The following XKR7 variants were observed in gnomAD, a reference collection of about 807,000 sequenced individuals.
The protein encoded by XKR7 is XK-related protein 7.
In XKR7, 11 loss-of-function variants were observed where a neutral mutation model predicts 42.2. The observed-to-expected ratio is 0.26, with a 90% CI of 0.16 to 0.43. XKR7 has a LOEUF of 0.43. Ranked by LOEUF, XKR7 falls within the 20% of genes least tolerant of loss-of-function variation. The probability of loss-of-function intolerance (pLI) is 1.00; values close to 1 mark genes in which losing one functional copy is unlikely to be tolerated. For missense variants in XKR7, 710 were observed against 802.2 expected (o/e 0.89, Z 1.39); for synonymous variants, 346 against 366.4 (o/e 0.94, Z 0.64).
At chr20:31,981,200 A>G (rs926788891) in intron 1 of XKR7, among the ~76,000 whole-genome samples, 3 of 146,798 alleles carry the variant, frequency 2.0e-5, no homozygotes, top group Admixed American at 2.0e-4. Context: ...CCCTGTCTCT[A>G]CAAAAAAAAA....
intron 1 of XKR7, among the ~76,000 whole-genome samples, chr20:31,973,673 G>A (rs183430448): frequency 3.5e-4 from 54 of 152,244 alleles, no homozygotes; most frequent in African/African-American, 1.2e-3. Flanking sequence ...AAAGGAAAAG[G>A]GAAGGGCAAG....
At position 31,980,423 on chromosome 20, in the gene XKR7, A is replaced by G. The variant is rs569056687; in HGVS notation, c.584+11664A>G. On this transcript the variant is annotated intron_variant, in intron 1 of 2. Transcript: ENST00000562532. Reference sequence around the variant, plus strand: ...GGGCTTCATTGCAGGTGAGGAGGCTATATAGCTGGGAACCCAATGTTTCCT... The same window carrying G: ...GGGCTTCATTGCAGGTGAGGAGGCTGTATAGCTGGGAACCCAATGTTTCCT... 4.6e-4 allele frequency among the ~76,000 whole-genome samples: 70 copies of G among 152,312 alleles called. 2 individuals are homozygous for G. The South Asian group carries it at 0.014, about 30-fold the overall frequency.
intron 1 of XKR7, among the ~76,000 whole-genome samples, chr20:31,992,743 T>G (rs1476783731): frequency 6.6e-6 from 1 of 152,164 alleles, no homozygotes; most frequent in Non-Finnish European, 1.5e-5. Context: ...GGGATGTTCC[T>G]GGCCTCATTT....
At chr20:31,984,465 C>T (rs2064528101) in intron 1 of XKR7, among the ~76,000 whole-genome samples, 2 of 152,258 alleles carry the variant, frequency 1.3e-5, no homozygotes, top group South Asian at 4.1e-4. Context: ...AGCTGTGGAA[C>T]ATTAATGTTA....
rs1342966178 is a variant in XKR7 at position 32,003,106 on chromosome 20, A to G, written c.*5649A>G. On this transcript the variant is annotated 3_prime_UTR_variant, in exon 3 of 3. Transcript: ENST00000562532. ...ATCTCCCTCTGTCAGCACAATTCCG[A>G]GTGATTCTTCCCCTCCCTGTCGTCT... 6.6e-6 allele frequency: 1 copy of G among 152,178 alleles called. No individual in the cohort carries two copies. The highest frequency in any genetic ancestry group is 1.9e-4 in the East Asian group (1 of 5,178). The allele number at this position is 152,178 out of a possible 1,614,324, so 9.4% of individuals were successfully genotyped here.
rs137860772 is a variant in XKR7 at position 31,989,824 on chromosome 20, G to T, written c.585-5244G>T. Among the ~76,000 whole-genome samples the T allele has an allele frequency of 2.9e-4, 44 of 152,286 alleles. 1 individual carries two copies. In the East Asian group the frequency reaches 8.3e-3, roughly 29 times the overall value. ...GATGGGGTTTCTCTGTGATGCCCAG[G>T]CTGGTCTTGAACTCCTGGGCTCAAG... is the stretch of plus-strand genomic sequence containing the variant. On this transcript the variant is annotated intron_variant, in intron 1 of 2. Transcript: ENST00000562532.
rs1293164886 is a variant in XKR7, at chr20:31,999,500, C to T, written c.*2043C>T. 3 of 152,140 alleles carry T rather than the reference C, an allele frequency of 2.0e-5. No homozygotes were observed. The highest frequency in any genetic ancestry group is 4.8e-5 in the African/African-American group (2 of 41,418). The allele number at this position is 152,140 out of a possible 1,614,324, so 9.4% of individuals were successfully genotyped here. On this transcript the variant is annotated 3_prime_UTR_variant, in exon 3 of 3. Transcript: ENST00000562532. ...CTAAGCACCCTCAGGAACGAGGCCT[C>T]GAGGGTGACGGGAGGTGGGAGAAGC...
chr20:31,974,277 A>T (rs994919543), intron 1 of XKR7, among the ~76,000 whole-genome samples: 1 of 152,196 alleles, frequency 6.6e-6, no homozygotes, highest in Non-Finnish European at 1.5e-5. Context: ...TGCTACAAAG[A>T]TGCAGGAGAG....
rs2064620906 is a variant in XKR7 at position 32,000,749 on chromosome 20, G to C, written c.*3292G>C. 1 of 152,396 alleles carries C rather than the reference G, an allele frequency of 6.6e-6. No individual in the cohort carries two copies. Among genetic ancestry groups the C allele is most frequent in the Non-Finnish European group, 1.5e-5 (1 of 68,174 alleles). The allele number at this position is 152,396 out of a possible 1,614,324, so 9.4% of individuals were successfully genotyped here. Reference sequence around the variant, plus strand: ...AGAACTGACCCCCACGCTGTTGACTGTGTTCCCCAAACCTCTGCAGGCACC... The same window carrying C: ...AGAACTGACCCCCACGCTGTTGACTCTGTTCCCCAAACCTCTGCAGGCACC... On this transcript the variant is annotated 3_prime_UTR_variant, in exon 3 of 3. Transcript: ENST00000562532.
chr20:31,982,204 TG>T (rs1426394162), intron 1 of XKR7, among the ~76,000 whole-genome samples: 1 of 152,182 alleles, frequency 6.6e-6, no homozygotes, highest in Non-Finnish European at 1.5e-5. Context: ...TAGCACAGTT[TG>T]GGGTACATAG....
In XKR7 at chr20:31,996,682, G is replaced by A; in HGVS notation, c.965G>A (p.Ser322Asn). The part of the protein sequence containing the change: ...ARGLAFALFA[S>N]VYKLYFGIFI... ...GGCCTGGCCTTCGCGCTCTTCGCCAGCGTCTACAAGCTCTATTTTGGCATC... is the reference window on the plus strand; with the variant it reads ...GGCCTGGCCTTCGCGCTCTTCGCCAACGTCTACAAGCTCTATTTTGGCATC... The change falls in exon 3 of 3, where the codon AGC becomes AAC. Residue 322 changes from serine to asparagine, a missense_variant. Ser to Asn is a conservative substitution (Grantham distance 46). Transcript: ENST00000562532. The A allele has an allele frequency of 1.9e-6, 3 of 1,607,272 alleles. No homozygotes were observed. The highest frequency in any genetic ancestry group is 2.6e-6 in the Non-Finnish European group (3 of 1,176,020).
rs765763897 is a variant in XKR7, at chr20:31,996,807, G to A, written c.1090G>A (p.Val364Met). 3 of 1,613,904 alleles carry A rather than the reference G, an allele frequency of 1.9e-6. No homozygotes were observed. The highest frequency in any genetic ancestry group is 2.2e-5 in the East Asian group (1 of 44,852). Residue 364 changes from valine to methionine, a missense_variant, in exon 3 of 3, where the codon GTG (valine) becomes ATG (methionine). Val to Met is a conservative substitution (Grantham distance 21). Around this residue, in one of 2 missense-constraint regions of XKR7, gnomAD observed 708 missense variants for 786.2 expected, o/e 0.90. Coordinates refer to ENST00000562532, the MANE Select transcript of XKR7 (RefSeq NM_001011718.2). ...KWEEIIYNMV[V>M]GIIYIFCWFN... Reference sequence around the variant, plus strand: ...GGAGGAGATCATCTACAACATGGTCGTGGGCATCATCTACATCTTCTGCTG... The same window carrying A: ...GGAGGAGATCATCTACAACATGGTCATGGGCATCATCTACATCTTCTGCTG...
chr20:31,983,309 G>A (rs1396228615), intron 1 of XKR7, among the ~76,000 whole-genome samples: 3 of 152,146 alleles, frequency 2.0e-5, no homozygotes, highest in Non-Finnish European at 4.4e-5. Context: ...TAAATGAGAT[G>A]GTTTCAGGTT....
At position 31,968,641 on chromosome 20, in the gene XKR7, G is replaced by C. The variant is rs758197159; in HGVS notation, c.466G>C (p.Glu156Gln). The change falls in exon 1 of 3, where the codon GAG becomes CAG. Residue 156 changes from glutamate (E) to glutamine (Q), a missense_variant. Physicochemically the swap from Glu to Gln is conservative, Grantham distance 29. This residue lies in a region of XKR7 where 708 missense variants were observed against 786.2 expected (regional missense o/e 0.90). Transcript: ENST00000562532. The surrounding 1 kb of genome is among the most constrained non-coding windows in gnomAD (Gnocchi z 4.5). ...GAFRTKEGSPEPGPQPAPSSA... is the reference protein window; with the variant it reads ...GAFRTKEGSPQPGPQPAPSSA... ...CTTCCGGACCAAAGAAGGCAGCCCC[G>C]AGCCGGGTCCCCAGCCTGCGCCCTC... 8.8e-6 allele frequency: 14 copies of C among 1,587,804 alleles called. No homozygotes were observed. Among genetic ancestry groups the C allele is most frequent in the South Asian group, 2.2e-5 (2 of 89,696 alleles).
intron 1 of XKR7, among the ~76,000 whole-genome samples, chr20:31,988,637 G>A (rs1423617034): frequency 6.6e-6 from 1 of 152,164 alleles, no homozygotes; most frequent in East Asian, 1.9e-4. Context: ...CCTCATCTAT[G>A]AAATGGGGAC....
chr20:31,994,206 G>A (rs892279362), intron 1 of XKR7, among the ~76,000 whole-genome samples: 20 of 152,216 alleles, frequency 1.3e-4, no homozygotes, highest in South Asian at 1.2e-3. Context: ...CAACAGAACC[G>A]GGGCTGGCAC....
intron 1 of XKR7, among the ~76,000 whole-genome samples, chr20:31,990,744 G>A (rs1165097100): frequency 6.6e-6 from 1 of 151,966 alleles, no homozygotes; most frequent in Non-Finnish European, 1.5e-5. Flanking sequence ...TATTAATTTT[G>A]ATTCTGTAGT....
intron 1 of XKR7, among the ~76,000 whole-genome samples, chr20:31,977,431 G>A (rs1003442141): frequency 1.3e-5 from 2 of 152,172 alleles, no homozygotes; most frequent in African/African-American, 4.8e-5. Context: ...CATCCTAGTT[G>A]CGTGACCCTG....
At chr20:31,992,066 G>A (rs1400171231) in intron 1 of XKR7, among the ~76,000 whole-genome samples, 7 of 151,768 alleles carry the variant, frequency 4.6e-5, no homozygotes, top group Admixed American at 4.6e-4. Context: ...GTGGTGAGCC[G>A]AGATCACACC....
Sources: gnomAD v4.1 joint callset for allele counts (sites outside exome capture counted in the v4.1 genomes callset) on GRCh38, gnomAD v4.1.1 for gene constraint, gnomAD v4.1.1 regional missense constraint, Gnocchi (gnomAD v3.1) non-coding constraint, MANE v1.5 for transcripts, NCBI Gene and HGNC (gene_info 2026-07-23, HGNC 2026-07-21) for gene names.